The following RNF123 variants were observed in gnomAD, a reference collection of about 807,000 sequenced individuals.
RNF123 encodes the protein E3 ubiquitin-protein ligase RNF123.
In RNF123, 86 loss-of-function variants were observed where a neutral mutation model predicts 168.5. That is an observed-to-expected ratio of 0.51 (90% CI 0.43 to 0.61). The LOEUF (loss-of-function observed/expected upper bound fraction) is 0.61. Ranked by LOEUF, RNF123 falls within the 20% of genes least tolerant of loss-of-function variation. The pLI is 0.00. For synonymous variants in RNF123, 666 were observed against 689.1 expected, an observed-to-expected ratio of 0.97 and a Z score of 0.52; for missense variants, 1,419 against 1,729.7, an observed-to-expected ratio of 0.82 and a Z score of 3.19.
At position 49,691,075 on chromosome 3, in the gene RNF123, C is replaced by T. The variant is rs2054151281; in HGVS notation, c.-36-55C>T. ...CTTCCTGCCATGGCAGGACTGAGGT[C>T]AGGTGTGGGGGCCCCTGGCTGGCCC... is the stretch of plus-strand genomic sequence containing the variant. On this transcript the variant is annotated intron_variant, in intron 1 of 38. Transcript: ENST00000327697. 4 of 1,090,542 alleles carry T rather than the reference C, an allele frequency of 3.7e-6. No individual in the cohort carries two copies. The East Asian group carries it at 9.5e-5, about 26-fold the overall frequency. 67.6% of individuals were successfully genotyped at this position (1,090,542 alleles called of 1,614,324 possible).
At chr3:49,704,285 G>A (rs1257363016) in intron 21 of RNF123, among the ~76,000 whole-genome samples, 2 of 152,194 alleles carry the variant, frequency 1.3e-5, no homozygotes, top group African/African-American at 4.8e-5. Flanking sequence ...TGTTTATGGA[G>A]TAGTCAGAGA....
chr3:49,692,154 A>G (rs1191765747), intron 3 of RNF123, among the ~76,000 whole-genome samples: 1 of 152,202 alleles, frequency 6.6e-6, no homozygotes, highest in Non-Finnish European at 1.5e-5. Flanking sequence ...CTGATGTGGG[A>G]GGATCACTTG....
chr3:49,705,506 C>T lies in RNF123; in HGVS notation c.2159-28C>T, dbSNP rs2054498103. ...TCAGGAGAGCCGGGATGGCCCTACC[C>T]TTGACCCTTCCCTCCCCAACTCCCC... is the stretch of plus-strand genomic sequence containing the variant. On this transcript the variant is annotated intron_variant, in intron 23 of 38. Coordinates refer to ENST00000327697, the MANE Select transcript of RNF123 (RefSeq NM_022064.5). 7 of 1,566,350 alleles carry T rather than the reference C, an allele frequency of 4.5e-6. No homozygotes were observed. In the South Asian group the frequency reaches 8.5e-5, roughly 19 times the overall value.
At chr3:49,702,032 T>C in intron 17 of RNF123, 51 bp from the exon 18 acceptor site, 1 of 1,596,252 alleles carries the variant, frequency 6.3e-7, no homozygotes, top group South Asian at 1.1e-5. Flanking sequence ...GGCCCAAACC[T>C]GCCCCCCATC....
chr3:49,691,396 C>G (rs2054162474), intron 2 of RNF123, 29 bp from the exon 3 acceptor site: 1 of 1,612,696 alleles, frequency 6.2e-7, no homozygotes. Flanking sequence ...ATCATGTGGC[C>G]CTTTTCTCCC....
rs750639375 is a variant in RNF123 at position 49,698,147 on chromosome 3, G to A, written c.483+10G>A. 3 of 1,611,838 alleles carry A rather than the reference G, an allele frequency of 1.9e-6. No individual in the cohort carries two copies. The highest frequency in any genetic ancestry group is 4.5e-5 in the East Asian group (2 of 44,836). On this transcript the variant is annotated intron_variant, in intron 7 of 38. Transcript: ENST00000327697. The stretch of plus-strand genomic sequence containing the variant: ...CCGCTTCAACCAGGAGGTACACGTT[G>A]GGGAGGGGACCCCTCCCTGGGCCCA...
intron 35 of RNF123, chr3:49,717,750 C>G: frequency 1.6e-6 from 1 of 639,504 alleles, no homozygotes; most frequent in Non-Finnish European, 2.7e-6. Flanking sequence ...TGTGCAGGGG[C>G]AGAGCAGAAG....
Position 49,715,879 on chromosome 3 carries a change from G to A in RNF123, c.3208G>A (p.Val1070Ile), listed in dbSNP as rs908056299. 1.9e-6 allele frequency: 3 copies of A among 1,614,086 alleles called. No homozygotes were observed. The highest frequency in any genetic ancestry group is 1.6e-4 in the Middle Eastern group (1 of 6,062). ...CTTTGTGGACAGCCGGCAGCTCAAG[G>A]TATGTGCCACCTGCTTTGACCTCTC... ...RNFVDSRQLK[V>I]CATCFDLSVS... The change falls in exon 33 of 39, where the codon GTA (valine) becomes ATA (isoleucine). Residue 1070 changes from valine (V) to isoleucine (I), a missense_variant. Around this residue, in one of 5 missense-constraint regions of RNF123, gnomAD observed 538 missense variants for 708.8 expected, o/e 0.76. Transcript: ENST00000327697.
intron 34 of RNF123, 76 bp downstream of exon 34, chr3:49,716,253 C>A (rs2080242762): frequency 6.4e-7 from 1 of 1,570,008 alleles, no homozygotes; most frequent in Admixed American, 1.7e-5. Flanking sequence ...AGGCCTGATT[C>A]CACATTCTGC....
chr3:49,712,387 C>T, intron 26 of RNF123, 92 bp from the exon 27 acceptor site: 3 of 1,260,376 alleles, frequency 2.4e-6, no homozygotes, highest in Non-Finnish European at 3.4e-6. Context: ...CTGTCGTAGG[C>T]CTGGGGAGGC....
chr3:49,697,126 CCT>C lies in RNF123; in HGVS notation c.168-13_168-12del, dbSNP rs2054284355. On this transcript the variant is annotated splice_polypyrimidine_tract_variant and intron_variant, in intron 3 of 38. Transcript: ENST00000327697. Reference sequence around the variant, plus strand: ...TCAAGGACTTGTGGACCCCTGGCAGCCTCTCACTCTCCCCAGGAAACCCCTGA... The same window carrying C: ...TCAAGGACTTGTGGACCCCTGGCAGCCTCACTCTCCCCAGGAAACCCCTGA... 2 of 1,608,250 alleles carry C rather than the reference CCT, an allele frequency of 1.2e-6. No homozygotes were observed. Among genetic ancestry groups the C allele is most frequent in the Non-Finnish European group, 1.7e-6 (2 of 1,174,878 alleles).
chr3:49,719,453 C>T (rs1474478534), intron 35 of RNF123: 2 of 1,612,214 alleles, frequency 1.2e-6, no homozygotes, highest in East Asian at 2.2e-5. Context: ...CCCAGCAGCA[C>T]CAACCAGGTC....
At chr3:49,704,112 T>C (rs1296333935) in intron 21 of RNF123, among the ~76,000 whole-genome samples, 1 of 151,794 alleles carries the variant, frequency 6.6e-6, no homozygotes, top group East Asian at 1.9e-4. Flanking sequence ...GTGGTGGAGA[T>C]GAGAAATTCT....
chr3:49,691,278 C>T, intron 2 of RNF123, 31 bp downstream of exon 2: 1 of 1,610,060 alleles, frequency 6.2e-7, no homozygotes, highest in Non-Finnish European at 8.5e-7. Context: ...AAGGAGGCTC[C>T]TCTTGTTGGG....
chr3:49,698,637 C>T (rs2054315528), intron 8 of RNF123, 111 bp downstream of exon 8: 1 of 1,534,718 alleles, frequency 6.5e-7, no homozygotes, highest in South Asian at 1.1e-5. Context: ...GGTCAGGGAC[C>T]CAGGTCCTTT....
intron 3 of RNF123, among the ~76,000 whole-genome samples, chr3:49,695,298 C>T (rs1273102979): frequency 6.6e-6 from 1 of 152,048 alleles, no homozygotes; most frequent in Non-Finnish European, 1.5e-5. Context: ...CAGGGTCTTA[C>T]TGTGTCACCC....
intron 26 of RNF123, 71 bp downstream of exon 26, chr3:49,706,969 G>A (rs1346730097): frequency 8.7e-6 from 11 of 1,259,666 alleles, no homozygotes; most frequent in Non-Finnish European, 1.3e-5. Flanking sequence ...ATTGTGCCAG[G>A]GCCCTTGATG....
Position 49,712,509 on chromosome 3 carries a change from C to G in RNF123, c.2527C>G (p.Arg843Gly), listed in dbSNP as rs201733026. ...GATGCTGGACATCTACTGGCTGCTGCGCGTCTGCCTGCGGACCATTGAGCA... is the reference window on the plus strand; with the variant it reads ...GATGCTGGACATCTACTGGCTGCTGGGCGTCTGCCTGCGGACCATTGAGCA... ...EKMLDIYWLLRVCLRTIEHGD... is the reference protein window; with the variant it reads ...EKMLDIYWLLGVCLRTIEHGD... The change falls in exon 27 of 39, where the codon CGC becomes GGC. Residue 843 changes from arginine (R) to glycine (G), a missense_variant. Around this residue, in one of 5 missense-constraint regions of RNF123, gnomAD observed 538 missense variants for 708.8 expected, o/e 0.76. Transcript: ENST00000327697. 6.2e-7 allele frequency: 1 copy of G among 1,614,104 alleles called. No individual in the cohort carries two copies. Among genetic ancestry groups the G allele is most frequent in the Non-Finnish European group, 8.5e-7 (1 of 1,180,042 alleles).
intron 35 of RNF123, 191 bp from the exon 36 acceptor site, chr3:49,720,320 A>AG: frequency 2.2e-6 from 1 of 453,122 alleles, no homozygotes; most frequent in Non-Finnish European, 3.6e-6. Flanking sequence ...GTCTCAAGAA[A>AG]AAAAAAAAAA....
Sources: gnomAD v4.1 joint callset for allele counts (sites outside exome capture counted in the v4.1 genomes callset) on GRCh38, gnomAD v4.1.1 for gene constraint, gnomAD v4.1.1 regional missense constraint, MANE v1.5 for transcripts, NCBI Gene and HGNC (gene_info 2026-07-23, HGNC 2026-07-21) for gene names.